The following CYP19A1 variants were observed in gnomAD, a reference collection of about 807,000 sequenced individuals.
The protein encoded by CYP19A1 is cytochrome P450 family 19 subfamily A member 1.
In CYP19A1, 32 loss-of-function variants were observed where a neutral mutation model predicts 44.4. The observed-to-expected ratio is 0.72, with a 90% CI of 0.54 to 0.97. The LOEUF (loss-of-function observed/expected upper bound fraction) is 0.97, where lower values mean the gene tolerates loss of function less well. CYP19A1 is among the 50% of genes least tolerant of loss of function. The pLI is 0.00. For missense variants in CYP19A1, 598 were observed against 637.8 expected, an observed-to-expected ratio of 0.94 and a Z score of 0.67; for synonymous variants, 212 against 215.6, an observed-to-expected ratio of 0.98 and a Z score of 0.14.
At chr15:51,212,135 G>C (rs2031055737) in intron 9 of CYP19A1, 185 bp downstream of exon 9, 1 of 642,258 alleles carries the variant, frequency 1.6e-6, no homozygotes, top group Middle Eastern at 3.2e-4. Flanking sequence ...CAACATCCTT[G>C]AAGGCTTGAG....
At chr15:51,307,953 A>G (rs1228534037) in intron 1 of CYP19A1, among the ~76,000 whole-genome samples, 1 of 152,228 alleles carries the variant, frequency 6.6e-6, no homozygotes, top group Non-Finnish European at 1.5e-5. Flanking sequence ...CTAGAAACAA[A>G]TGAACACAAA....
chr15:51,222,803 C>T (rs2032228867), intron 4 of CYP19A1, among the ~76,000 whole-genome samples: 1 of 152,060 alleles, frequency 6.6e-6, no homozygotes, highest in Non-Finnish European at 1.5e-5. Context: ...CATGCTCTAG[C>T]CAGCCATTTA....
chr15:51,269,882 C>T (rs996250294), intron 1 of CYP19A1, among the ~76,000 whole-genome samples: 6 of 152,196 alleles, frequency 3.9e-5, no homozygotes, highest in Admixed American at 1.3e-4. Context: ...ACTCCCGCTC[C>T]CTCCCTTTTT....
intron 1 of CYP19A1, among the ~76,000 whole-genome samples, chr15:51,263,061 T>G (rs143899908): frequency 6.6e-6 from 1 of 152,040 alleles, no homozygotes; most frequent in African/African-American, 2.4e-5. Flanking sequence ...TGAGAGAAGC[T>G]GAAATTGCAA....
intron 1 of CYP19A1, among the ~76,000 whole-genome samples, chr15:51,268,097 C>T (rs902082823): frequency 6.6e-6 from 1 of 152,228 alleles, no homozygotes; most frequent in African/African-American, 2.4e-5. Context: ...CTCCCCCATC[C>T]CATTTAAAGG....
intron 2 of CYP19A1, among the ~76,000 whole-genome samples, chr15:51,240,059 C>A (rs1472520158): frequency 3.5e-5 from 1 of 28,864 alleles, no homozygotes; most frequent in African/African-American, 1.5e-4. Flanking sequence ...CCCCGCCCCC[C>A]TCCCCCGGCC....
chr15:51,290,694 C>A (rs954233801), intron 1 of CYP19A1, among the ~76,000 whole-genome samples: 4 of 152,192 alleles, frequency 2.6e-5, no homozygotes, highest in African/African-American at 9.7e-5. Flanking sequence ...AGTTGCGGGG[C>A]CACTCTCAGA....
chr15:51,263,636 G>A (rs1198586607), intron 1 of CYP19A1, among the ~76,000 whole-genome samples: 1 of 152,222 alleles, frequency 6.6e-6, no homozygotes, highest in Non-Finnish European at 1.5e-5. Context: ...TGACCAGGGA[G>A]GAAGGCATGA....
intron 1 of CYP19A1, among the ~76,000 whole-genome samples, chr15:51,287,463 C>T (rs2035732793): frequency 6.6e-6 from 1 of 152,204 alleles, no homozygotes; most frequent in African/African-American, 2.4e-5. Context: ...CAGGCTGTCT[C>T]ACATGCTACA....
At chr15:51,329,800 G>T (rs1389871061) in intron 1 of CYP19A1, among the ~76,000 whole-genome samples, 1 of 152,228 alleles carries the variant, frequency 6.6e-6, no homozygotes, top group Non-Finnish European at 1.5e-5. Context: ...GGTTCTGGGA[G>T]TATTAGATGA....
intron 1 of CYP19A1, among the ~76,000 whole-genome samples, chr15:51,263,963 A>G (rs1214378997): frequency 1.3e-5 from 2 of 152,236 alleles, no homozygotes; most frequent in East Asian, 3.9e-4. Context: ...GGCAACAGGC[A>G]TGAGTAAATC....
At chr15:51,213,046 C>T (rs1010659485) in intron 8 of CYP19A1, among the ~76,000 whole-genome samples, 1 of 152,168 alleles carries the variant, frequency 6.6e-6, no homozygotes, top group African/African-American at 2.4e-5. Flanking sequence ...AAACTGGCAC[C>T]ACAACCATCC....
chr15:51,262,381 T>C (rs1220718497), intron 1 of CYP19A1, among the ~76,000 whole-genome samples: 3 of 152,204 alleles, frequency 2.0e-5, no homozygotes, highest in African/African-American at 7.2e-5. Flanking sequence ...TCTGTGTGTG[T>C]GTCTTTAATT....
At chr15:51,337,637 G>T (rs1354206395) in intron 1 of CYP19A1, among the ~76,000 whole-genome samples, 1 of 152,206 alleles carries the variant, frequency 6.6e-6, no homozygotes, top group Non-Finnish European at 1.5e-5. Context: ...AAGGGTACTC[G>T]GAGTTAGGCC....
intron 1 of CYP19A1, chr15:51,278,906 C>T (rs941879864): frequency 3.9e-5 from 6 of 152,166 alleles, no homozygotes; most frequent in Non-Finnish European, 5.9e-5. Context: ...CACATAGGGA[C>T]ATTTACATTT....
intron 1 of CYP19A1, among the ~76,000 whole-genome samples, chr15:51,258,988 C>T (rs1341383830): frequency 2.0e-5 from 3 of 152,128 alleles, no homozygotes; most frequent in African/African-American, 7.2e-5. Flanking sequence ...CAGTGTTGCC[C>T]CCATCCCTCC....
At chr15:51,283,505 GC>G (rs1272267405) in intron 1 of CYP19A1, among the ~76,000 whole-genome samples, 2 of 152,216 alleles carry the variant, frequency 1.3e-5, no homozygotes, top group Non-Finnish European at 2.9e-5. Context: ...GTTAAGGCTT[GC>G]GATGGCATTG....
chr15:51,220,284 G>A (rs896120803), intron 5 of CYP19A1, among the ~76,000 whole-genome samples: 1 of 152,082 alleles, frequency 6.6e-6, no homozygotes, highest in African/African-American at 2.4e-5. Flanking sequence ...TTCACTTCCT[G>A]TCCTCTTGCC....
chr15:51,269,236 T>C (rs1413106800), intron 1 of CYP19A1, among the ~76,000 whole-genome samples: 1 of 152,168 alleles, frequency 6.6e-6, no homozygotes. Flanking sequence ...TATTTTTTCT[T>C]TCTTATGGAT....
Sources: gnomAD v4.1 joint callset for allele counts (sites outside exome capture counted in the v4.1 genomes callset) on GRCh38, gnomAD v4.1.1 for gene constraint, MANE v1.5 for transcripts, NCBI Gene and HGNC (gene_info 2026-07-23, HGNC 2026-07-21) for gene names.